RIPK1: variants seen among roughly 807,000 people sequenced by gnomAD.
RIPK1 encodes the protein receptor-interacting serine/threonine-protein kinase 1.
A neutral mutation model predicts 62.4 loss-of-function variants in RIPK1; 27 were observed. That is an observed-to-expected ratio of 0.43 (90% CI 0.32 to 0.60). The LOEUF (loss-of-function observed/expected upper bound fraction) is 0.60, where lower values mean the gene tolerates loss of function less well. RIPK1 is among the 20% of genes least tolerant of loss of function. The pLI is 0.07. For missense variants in RIPK1, 735 were observed against 831.0 expected, an observed-to-expected ratio of 0.88 and a Z score of 1.42; for synonymous variants, 287 against 303.2, an observed-to-expected ratio of 0.95 and a Z score of 0.55.
At chr6:3,076,115 T>G (rs569481498) in intron 1 of RIPK1, among the ~76,000 whole-genome samples, 157 of 152,270 alleles carry the variant, frequency 1.0e-3, no homozygotes, top group Middle Eastern at 0.01. Flanking sequence ...TTCTTTTCCT[T>G]TCCACGGAGT....
chr6:3,090,867 C>T (rs1203530354), intron 7 of RIPK1, among the ~76,000 whole-genome samples: 2 of 85,068 alleles, frequency 2.4e-5, no homozygotes, highest in Non-Finnish European at 1.9e-5. Flanking sequence ...ACCTACCTGC[C>T]GCACCTAGTA....
At position 3,104,226 on chromosome 6, in the gene RIPK1, A is replaced by G; in HGVS notation, c.917A>G (p.Lys306Arg). 3.4e-6 allele frequency: 5 copies of G among 1,491,426 alleles called. No homozygotes were observed. The highest frequency in any genetic ancestry group is 2.3e-5 in the South Asian group (2 of 87,068). The allele number at this position is 1,491,426 out of a possible 1,614,324, so 92.4% of individuals were successfully genotyped here. The change falls in exon 8 of 11, where the codon AAA (lysine) becomes AGA (arginine). Residue 306 changes from lysine (K) to arginine (R), a missense_variant and splice_region_variant. By Grantham distance (26) the Lys-to-Arg change is conservative. Transcript: ENST00000259808. The part of the protein sequence containing the change: ...SVEEDVKSLK[K>R]EYSNENAVVK... Reference sequence around the variant, plus strand: ...GTGTATTTATGCTCTTAATTATAGAAAGAGTATTCAAACGAAAATGCAGTT... The same window carrying G: ...GTGTATTTATGCTCTTAATTATAGAGAGAGTATTCAAACGAAAATGCAGTT...
chr6:3,084,591 C>CT (rs55789041), intron 5 of RIPK1, among the ~76,000 whole-genome samples: 100,529 of 134,626 alleles, frequency 0.75, 42,137 homozygotes, highest in Non-Finnish European at 0.93. Flanking sequence ...CTTGTACATC[C>CT]TTTTTTTTTT....
chr6:3,068,701 C>T, intron 1 of RIPK1, 40 bp downstream of exon 1: 1 of 982,096 alleles, frequency 1.0e-6, no homozygotes. Flanking sequence ...TTCCGGAGGC[C>T]GCCGGGCTCA....
At chr6:3,090,398 T>C (rs1305227163) in intron 7 of RIPK1, among the ~76,000 whole-genome samples, 1 of 152,168 alleles carries the variant, frequency 6.6e-6, no homozygotes, top group Non-Finnish European at 1.5e-5. Context: ...GCAGAGACTT[T>C]AAAATATAAT....
At chr6:3,086,297 G>C (rs997672654) in intron 6 of RIPK1, among the ~76,000 whole-genome samples, 2 of 152,214 alleles carry the variant, frequency 1.3e-5, no homozygotes, top group African/African-American at 4.8e-5. Flanking sequence ...CATTTCTCTG[G>C]AGTAATACCC....
At chr6:3,075,504 A>G (rs1312913056) in intron 1 of RIPK1, among the ~76,000 whole-genome samples, 1 of 152,180 alleles carries the variant, frequency 6.6e-6, no homozygotes, top group Non-Finnish European at 1.5e-5. Flanking sequence ...GTTCATAATT[A>G]CTTAAACCTA....
At position 3,113,257 on chromosome 6, in the gene RIPK1, C is replaced by G; in HGVS notation, c.1934C>G (p.Thr645Arg). The G allele has an allele frequency of 6.2e-7, 1 of 1,614,098 alleles. No individual in the cohort carries two copies. The highest frequency in any genetic ancestry group is 1.3e-5 in the African/African-American group (1 of 75,030). ...WVMREGIKGA[T>R]VGKLAQALHQ... ...ATGAGGGAAGGCATAAAGGGAGCCA[C>G]GGTGGGGAAGCTGGCCCAGGCGCTC... The change falls in exon 11 of 11, where the codon ACG becomes AGG. Residue 645 changes from threonine to arginine, a missense_variant. By Grantham distance (71) the Thr-to-Arg change is moderately conservative. Around this residue, in one of 2 missense-constraint regions of RIPK1, gnomAD observed 64 missense variants for 104.8 expected, o/e 0.61. Transcript: ENST00000259808. This position sits in a 1 kb window ranked among gnomAD's most constrained non-coding sequence, Gnocchi z 5.0.
chr6:3,088,887 A>AT (rs944079255), intron 6 of RIPK1: 160 of 151,550 alleles, frequency 1.1e-3, no homozygotes, highest in African/African-American at 3.6e-3. Context: ...TTAGTTGGAG[A>AT]TTTTTTTTTA....
chr6:3,070,204 A>T (rs6924630), intron 1 of RIPK1, among the ~76,000 whole-genome samples: 42,557 of 152,030 alleles, frequency 0.28, 6,135 homozygotes, highest in African/African-American at 0.33. Flanking sequence ...ACTTTCTGGA[A>T]TGTGAATATT....
At chr6:3,077,719 C>T in intron 2 of RIPK1, 60 bp from the exon 3 acceptor site, 1 of 1,580,600 alleles carries the variant, frequency 6.3e-7, no homozygotes, top group Admixed American at 1.7e-5. Flanking sequence ...TGGAGGTGTG[C>T]ACCAGGCTCT....
intron 9 of RIPK1, among the ~76,000 whole-genome samples, chr6:3,108,253 G>C (rs965316958): frequency 1.3e-5 from 2 of 151,810 alleles, no homozygotes; most frequent in Non-Finnish European, 2.9e-5. Flanking sequence ...GCTTGTGCCG[G>C]TCACTATATG....
chr6:3,076,703 T>C (rs7759866), intron 1 of RIPK1, 61 bp from the exon 2 acceptor site: 4,954 of 45,034 alleles, frequency 0.11, 364 homozygotes, highest in African/African-American at 0.22. Context: ...AAAAAACATA[T>C]ATATATATAT....
Position 3,105,682 on chromosome 6 carries a change from G to T in RIPK1, c.1207G>T (p.Val403Leu). 1 of 1,614,120 alleles carries T rather than the reference G, an allele frequency of 6.2e-7. No homozygotes were observed. Among genetic ancestry groups the T allele is most frequent in the South Asian group, 1.1e-5 (1 of 91,080 alleles). ...GACGAAACAGCAGCCCAGACAGAAT[G>T]TGGCTTACAACAGAGAGGAGGAAAG... Reference protein sequence around the residue: ...RQTKQQPRQNVAYNREEERRR... With the variant: ...RQTKQQPRQNLAYNREEERRR... The change falls in exon 9 of 11, where the codon GTG (valine) becomes TTG (leucine). Residue 403 changes from valine to leucine, a missense_variant. Val to Leu is a conservative substitution (Grantham distance 32). Coordinates refer to ENST00000259808, the MANE Select transcript of RIPK1 (RefSeq NM_001354930.2). The surrounding 1 kb of genome is among the most constrained non-coding windows in gnomAD (Gnocchi z 4.5).
chr6:3,068,453 C>A (rs1758491311), upstream of RIPK1: 2 of 985,302 alleles, frequency 2.0e-6, no homozygotes, highest in East Asian at 1.1e-4. Flanking sequence ...CGGTCCTCCT[C>A]CCCGGCAAGG....
chr6:3,087,955 A>T (rs1334671754), intron 6 of RIPK1, among the ~76,000 whole-genome samples: 17 of 152,170 alleles, frequency 1.1e-4, no homozygotes, highest in Non-Finnish European at 2.9e-5. Flanking sequence ...CATAACTATT[A>T]ATTGAATCGT....
At chr6:3,102,724 C>G (rs572165471) in intron 7 of RIPK1, among the ~76,000 whole-genome samples, 163 of 152,252 alleles carry the variant, frequency 1.1e-3, no homozygotes, top group African/African-American at 3.9e-3. Flanking sequence ...CCTCACCTTC[C>G]CGAGTAGCTG....
intron 1 of RIPK1, among the ~76,000 whole-genome samples, chr6:3,076,080 C>G (rs894667405): frequency 6.6e-6 from 1 of 152,048 alleles, no homozygotes; most frequent in Non-Finnish European, 1.5e-5. Context: ...TGCCTGCCTC[C>G]GGTGCTCTGT....
intron 10 of RIPK1, among the ~76,000 whole-genome samples, chr6:3,112,264 T>G (rs1181490033): frequency 1.3e-5 from 2 of 152,104 alleles, no homozygotes; most frequent in Non-Finnish European, 2.9e-5. Flanking sequence ...GACAATTCCT[T>G]GATTAAGTAA....
Sources: allele counts gnomAD v4.1 joint callset (sites outside exome capture counted in the v4.1 genomes callset), GRCh38; gene constraint gnomAD v4.1.1; regional missense constraint gnomAD v4.1.1; non-coding constraint Gnocchi (gnomAD v3.1); transcripts MANE v1.5; gene names NCBI Gene and HGNC (gene_info 2026-07-23, HGNC 2026-07-21).